PSPC1: variants seen among roughly 807,000 people sequenced by gnomAD.
PSPC1 encodes paraspeckle component 1, also known as paraspeckle protein 1.
PSPC1 carries 14 observed loss-of-function variants against 51.6 expected under a neutral mutation model. The observed-to-expected ratio is 0.27, with a 90% CI of 0.18 to 0.42. The LOEUF is 0.42. Among genes scored for constraint, PSPC1 ranks in the 10% least tolerant of loss-of-function variants. The pLI, the probability that PSPC1 is intolerant of heterozygous loss-of-function variation, is 1.00. For synonymous variants in PSPC1, 193 were observed against 231.9 expected (o/e 0.83, Z 1.53); for missense variants, 406 against 701.1 (o/e 0.58, Z 4.75).
chr13:19,733,409 G>A (rs1240384315), intron 5 of PSPC1, among the ~76,000 whole-genome samples: 2 of 152,102 alleles, frequency 1.3e-5, no homozygotes, highest in Non-Finnish European at 2.9e-5. Context: ...GGAGGTGGAG[G>A]CAGAAGCGAA....
chr13:19,676,005 G>T (rs974068978), intron 7 of PSPC1: 1 of 152,186 alleles, frequency 6.6e-6, no homozygotes, highest in Non-Finnish European at 1.5e-5. Context: ...TGAAGTAACA[G>T]TATTCACATA....
intron 6 of PSPC1, among the ~76,000 whole-genome samples, chr13:19,713,388 C>T (rs1217862701): frequency 6.6e-6 from 1 of 151,828 alleles, no homozygotes; most frequent in African/African-American, 2.4e-5. Flanking sequence ...GAAACTGAGG[C>T]ACAAAGCTGT....
intron 6 of PSPC1, among the ~76,000 whole-genome samples, chr13:19,689,133 C>A (rs962047576): frequency 1.3e-5 from 2 of 152,116 alleles, no homozygotes; most frequent in African/African-American, 4.8e-5. Flanking sequence ...GATAATCCAG[C>A]CAAGAGCACA....
chr13:19,693,538 AAAAT>A (rs376612811), intron 6 of PSPC1, among the ~76,000 whole-genome samples: 16 of 152,352 alleles, frequency 1.1e-4, no homozygotes, highest in Non-Finnish European at 1.6e-4. Context: ...TAGAAGGAAT[AAAAT>A]AAATAAATAA....
chr13:19,750,778 A>ATT (rs1225602804), intron 4 of PSPC1, among the ~76,000 whole-genome samples: 1 of 34,030 alleles, frequency 2.9e-5, no homozygotes, highest in African/African-American at 6.9e-5. Context: ...TAACTTTTTA[A>ATT]TTTTTTTTTT....
At chr13:19,679,329 T>C (rs1167910148) in intron 6 of PSPC1, among the ~76,000 whole-genome samples, 1 of 148,366 alleles carries the variant, frequency 6.7e-6, no homozygotes, top group Non-Finnish European at 1.5e-5. Context: ...GTCCCGTCTC[T>C]ACAAAAAAAT....
chr13:19,737,314 G>A (rs1884947884), intron 5 of PSPC1: 1 of 152,048 alleles, frequency 6.6e-6, no homozygotes, highest in Admixed American at 6.6e-5. Flanking sequence ...GCATTTAGTC[G>A]TTATTTCTCC....
intron 4 of PSPC1, among the ~76,000 whole-genome samples, chr13:19,748,340 T>C (rs551089977): frequency 2.3e-4 from 35 of 152,256 alleles, no homozygotes; most frequent in Middle Eastern, 3.4e-3. Flanking sequence ...ATCAAATAAG[T>C]ACAAGTACTT....
At chr13:19,729,421 C>A (rs1432616842) in intron 6 of PSPC1, among the ~76,000 whole-genome samples, 1 of 151,728 alleles carries the variant, frequency 6.6e-6, no homozygotes, top group Non-Finnish European at 1.5e-5. Context: ...CCTGTAATCC[C>A]AGCTACTTGG....
Position 19,772,555 on chromosome 13 carries a change from G to A in PSPC1, c.373-12C>T. On this transcript the variant is annotated splice_polypyrimidine_tract_variant and intron_variant, in intron 1 of 8. Coordinates refer to ENST00000338910, the MANE Select transcript of PSPC1 (RefSeq NM_001354909.2). ...AGGGTTCTGGATTCCTTTTTAGGAA[G>A]AAAAAACATTTTTAAAAGATGACAG... The A allele has an allele frequency of 6.4e-7, 1 of 1,562,178 alleles. No homozygotes were observed.
downstream of PSPC1, among the ~76,000 whole-genome samples, chr13:19,700,379 C>A (rs1274566683): frequency 6.6e-6 from 1 of 151,952 alleles, no homozygotes. Context: ...TATTGTTCCC[C>A]TAATATTATT....
rs960791987 is a variant in PSPC1 at position 19,754,380 on chromosome 13, C to T, written c.771-2913G>A. ...GGATTACAGGTGTGAGGCACTGCGC[C>T]CAGCCTTGTGAGCATTTTCTTCTGT... is the stretch of plus-strand genomic sequence containing the variant. On this transcript the variant is annotated intron_variant, in intron 3 of 8. Coordinates refer to ENST00000338910, the MANE Select transcript of PSPC1 (RefSeq NM_001354909.2). Among the ~76,000 whole-genome samples the T allele has an allele frequency of 5.3e-5, 8 of 151,394 alleles. 1 individual carries two copies. The highest frequency in any genetic ancestry group is 8.8e-5 in the Non-Finnish European group (6 of 67,926).
At chr13:19,705,365 C>T (rs1180599961) in intron 8 of PSPC1, among the ~76,000 whole-genome samples, 2 of 152,104 alleles carry the variant, frequency 1.3e-5, no homozygotes, top group African/African-American at 4.8e-5. Flanking sequence ...TGGTGGCGCA[C>T]GCCTGTAGCC....
At chr13:19,749,175 C>G (rs1886283163) in intron 4 of PSPC1, among the ~76,000 whole-genome samples, 1 of 152,038 alleles carries the variant, frequency 6.6e-6, no homozygotes, top group African/African-American at 2.4e-5. Flanking sequence ...GGTAAAACCC[C>G]ATCTCTACTA....
chr13:19,741,872 C>T (rs1181249418), intron 4 of PSPC1, among the ~76,000 whole-genome samples: 1 of 152,186 alleles, frequency 6.6e-6, no homozygotes, highest in Non-Finnish European at 1.5e-5. Flanking sequence ...TGGCCCACGC[C>T]TACAATCCCA....
intron 6 of PSPC1, among the ~76,000 whole-genome samples, chr13:19,723,701 T>C (rs1308307214): frequency 1.3e-5 from 2 of 152,240 alleles, no homozygotes; most frequent in African/African-American, 2.4e-5. Flanking sequence ...TAAGAATATG[T>C]GTAAACATTA....
At chr13:19,711,756 A>C (rs540355195) in intron 6 of PSPC1, among the ~76,000 whole-genome samples, 1 of 151,910 alleles carries the variant, frequency 6.6e-6, no homozygotes, top group African/African-American at 2.4e-5. Flanking sequence ...CGGTAGGAGA[A>C]TCGCTTGAAC....
downstream of PSPC1, among the ~76,000 whole-genome samples, chr13:19,673,891 A>G (rs778663162): frequency 2.2e-4 from 33 of 152,236 alleles, no homozygotes; most frequent in Admixed American, 7.9e-4. Flanking sequence ...GCCCAGGGCA[A>G]TGTTGTGTAG....
In PSPC1 at chr13:19,725,697, G is replaced by A. The variant is rs766015371; in HGVS notation, c.1158+4542C>T. Among the ~76,000 whole-genome samples the A allele has an allele frequency of 5.3e-5, 8 of 152,102 alleles. 1 individual carries two copies. Among genetic ancestry groups the A allele is most frequent in the South Asian group, 2.1e-4 (1 of 4,820 alleles). On this transcript the variant is annotated intron_variant, in intron 6 of 8. Coordinates refer to ENST00000338910, the MANE Select transcript of PSPC1 (RefSeq NM_001354909.2). ...GTCTGTTCTAGTCTGTCAACCCCTCGACTGGATGAGACAATTAAAATTATT... is the reference window on the plus strand; with the variant it reads ...GTCTGTTCTAGTCTGTCAACCCCTCAACTGGATGAGACAATTAAAATTATT...
Sources: gnomAD v4.1 joint callset for allele counts (sites outside exome capture counted in the v4.1 genomes callset) on GRCh38, gnomAD v4.1.1 for gene constraint, MANE v1.5 for transcripts, NCBI Gene and HGNC (gene_info 2026-07-23, HGNC 2026-07-21) for gene names.